CATSPERD: variants seen among roughly 807,000 people sequenced by gnomAD.
CATSPERD encodes the protein catsper channel auxiliary subunit delta, also known as cation channel sperm-associated auxiliary subunit delta.
Under a neutral mutation model 98.1 loss-of-function variants are expected in CATSPERD, and 86 were observed. The observed-to-expected ratio is 0.88, with a 90% CI of 0.74 to 1.05. The LOEUF (loss-of-function observed/expected upper bound fraction) is 1.05. Among genes scored for constraint, CATSPERD ranks in the 50% least tolerant of loss-of-function variants. The probability of loss-of-function intolerance (pLI) is 0.00; values close to 1 mark genes in which losing one functional copy is unlikely to be tolerated. For synonymous variants in CATSPERD, 394 were observed against 390.2 expected (o/e 1.01, Z -0.12); for missense variants, 995 against 1,005.7 (o/e 0.99, Z 0.14).
At chr19:5,762,058 A>ATATATATATATATATATTTT in intron 15 of CATSPERD, among the ~76,000 whole-genome samples, 4 of 10,438 alleles carry the variant, frequency 3.8e-4, no homozygotes, top group African/African-American at 6.6e-4. Context: ...ATATATATAT[A>ATATATATATATATATATTTT]TTTTTTTTTT....
chr19:5,778,021 C>T (rs546177905), intron 21 of CATSPERD, among the ~76,000 whole-genome samples: 53 of 151,834 alleles, frequency 3.5e-4, no homozygotes, highest in African/African-American at 1.2e-3. Context: ...CCAGCCTGGC[C>T]GAGGTGAAAC....
intron 13 of CATSPERD, among the ~76,000 whole-genome samples, chr19:5,754,638 T>A (rs1438054065): frequency 6.6e-6 from 1 of 151,964 alleles, no homozygotes; most frequent in Non-Finnish European, 1.5e-5. Context: ...TCTCAAGTGA[T>A]CTGCTCACCT....
At position 5,776,150 on chromosome 19, in the gene CATSPERD, G is replaced by C. The variant is rs565916688; in HGVS notation, c.1942-11G>C. ...CCCTAGGGCCAGTGGGCATGTCTCT[G>C]TCCCCCACAGAACTATGTGAGCTGC... On this transcript the variant is annotated splice_polypyrimidine_tract_variant and intron_variant, in intron 20 of 21. Coordinates refer to ENST00000381624, the MANE Select transcript of CATSPERD (RefSeq NM_152784.4). The C allele has an allele frequency of 3.1e-6, 5 of 1,613,656 alleles. No individual in the cohort carries two copies. The highest frequency in any genetic ancestry group is 1.1e-5 in the South Asian group (1 of 91,042).
At chr19:5,738,352 CAAAAAAAAAAA>C in intron 6 of CATSPERD, among the ~76,000 whole-genome samples, 1 of 104,938 alleles carries the variant, frequency 9.5e-6, no homozygotes, top group South Asian at 3.1e-4. Flanking sequence ...ACTCAAAATA[CAAAAAAAAAAA>C]AAAAAAAGAA....
chr19:5,742,324 G>A (rs1398652002), intron 7 of CATSPERD, among the ~76,000 whole-genome samples: 4 of 123,824 alleles, frequency 3.2e-5, no homozygotes, highest in Admixed American at 1.6e-4. Flanking sequence ...GTGGGTGTGC[G>A]TGTGCATGTG....
rs1309286442 is a variant in CATSPERD at position 5,733,906 on chromosome 19, G to A, written c.327G>A (p.Leu109=). Residue 109 remains leucine, a synonymous_variant, in exon 5 of 22, where the codon CTG becomes CTA. Coordinates refer to ENST00000381624, the MANE Select transcript of CATSPERD (RefSeq NM_152784.4). ...TSAHFAGSLL[L]LVVDQKVYIY... ...CACATTTTGCTGGTTCGTTATTGCTGTTAGTAGTGGATCAAAAAGTCTATA... is the reference window on the plus strand; with the variant it reads ...CACATTTTGCTGGTTCGTTATTGCTATTAGTAGTGGATCAAAAAGTCTATA... The A allele has an allele frequency of 1.2e-6, 2 of 1,613,030 alleles. No homozygotes were observed. Among genetic ancestry groups the A allele is most frequent in the Admixed American group, 3.4e-5 (2 of 59,670 alleles).
intron 2 of CATSPERD, 95 bp downstream of exon 2, chr19:5,724,957 C>A: frequency 8.9e-7 from 1 of 1,120,406 alleles, no homozygotes; most frequent in South Asian, 1.2e-5. Context: ...CCCGTGTTGT[C>A]AAGCATTTAA....
chr19:5,762,056 A>AT (rs1302276239), intron 15 of CATSPERD, among the ~76,000 whole-genome samples: 181 of 14,458 alleles, frequency 0.013, 9 homozygotes, highest in Non-Finnish European at 0.017. Flanking sequence ...ATATATATAT[A>AT]TATTTTTTTT....
intron 7 of CATSPERD, among the ~76,000 whole-genome samples, chr19:5,742,314 G>A (rs1224858395): frequency 5.7e-5 from 8 of 140,162 alleles, no homozygotes; most frequent in Non-Finnish European, 1.1e-4. Context: ...GAATGTGTGT[G>A]TGGGTGTGCG....
At chr19:5,742,147 CGT>C (rs886086008) in intron 7 of CATSPERD, among the ~76,000 whole-genome samples, 14 of 107,924 alleles carry the variant, frequency 1.3e-4, no homozygotes, top group Non-Finnish European at 2.1e-4. Context: ...CGCGTGTGTA[CGT>C]GTGTGAACGT....
In CATSPERD at chr19:5,778,461, C is replaced by T. The variant is rs778898544; in HGVS notation, c.2182C>T (p.Leu728=). 7 of 1,613,894 alleles carry T rather than the reference C, an allele frequency of 4.3e-6. No individual in the cohort carries two copies. The South Asian group carries it at 7.7e-5, about 18-fold the overall frequency. ...GGTCTCTGCTGGAGTCGTCATCCTA[C>T]TGATCATCTCCAGCATCCTGGGGTC... ...QLVSAGVVIL[L]IISSILGSVW... Residue 728 remains leucine (L), a synonymous_variant, in exon 22 of 22, where the codon CTG becomes TTG. Coordinates refer to ENST00000381624, the MANE Select transcript of CATSPERD (RefSeq NM_152784.4).
intron 3 of CATSPERD, 80 bp from the exon 4 acceptor site, chr19:5,729,792 C>A: frequency 3.6e-6 from 3 of 822,860 alleles, no homozygotes; most frequent in African/African-American, 1.7e-5. Flanking sequence ...TGAATGGAGA[C>A]ATTTTAGAGT....
chr19:5,744,449 G>A lies in CATSPERD; in HGVS notation c.596G>A (p.Gly199Asp), dbSNP rs2056056534. The A allele has an allele frequency of 6.2e-6, 10 of 1,612,174 alleles. No homozygotes were observed. Among genetic ancestry groups the A allele is most frequent in the Non-Finnish European group, 8.5e-6 (10 of 1,178,810 alleles). ...TAGGCAGAAATCATTGGGTCTTTAGGCGGAATCTTCCACTTTTTTTCTTTG... is the reference window on the plus strand; with the variant it reads ...TAGGCAGAAATCATTGGGTCTTTAGACGGAATCTTCCACTTTTTTTCTTTG... ...DRQAEIIGSL[G>D]GIFHFFSLSQ... The change falls in exon 8 of 22, where the codon GGC (glycine) becomes GAC (aspartate). Residue 199 changes from glycine to aspartate, a missense_variant. Transcript: ENST00000381624.
intron 15 of CATSPERD, among the ~76,000 whole-genome samples, chr19:5,761,081 G>A (rs1011141831): frequency 2.2e-4 from 34 of 151,660 alleles, no homozygotes; most frequent in African/African-American, 7.7e-4. Context: ...TTGTTGCCCA[G>A]GCTGGAGTGC....
intron 8 of CATSPERD, among the ~76,000 whole-genome samples, chr19:5,745,216 G>A (rs2056071340): frequency 6.6e-6 from 1 of 151,880 alleles, no homozygotes; most frequent in African/African-American, 2.4e-5. Flanking sequence ...CTCCCCCAGT[G>A]CTGAGATTAC....
intron 20 of CATSPERD, among the ~76,000 whole-genome samples, chr19:5,773,188 C>A (rs1238810070): frequency 6.6e-6 from 1 of 152,132 alleles, no homozygotes; most frequent in Non-Finnish European, 1.5e-5. Context: ...CCCGTCTCTA[C>A]TAAAAATACA....
At chr19:5,753,511 G>T in intron 12 of CATSPERD, 1 of 275,554 alleles carries the variant, frequency 3.6e-6, no homozygotes, top group African/African-American at 2.3e-5. Context: ...GCAGTGAGCC[G>T]AGATTACGCC....
At chr19:5,732,493 C>G (rs140893693) in intron 4 of CATSPERD, among the ~76,000 whole-genome samples, 1 of 150,822 alleles carries the variant, frequency 6.6e-6, no homozygotes, top group African/African-American at 2.4e-5. Flanking sequence ...AGTGCAGTGG[C>G]GTGATCTCAG....
chr19:5,774,996 G>A (rs2056715072), intron 20 of CATSPERD, among the ~76,000 whole-genome samples: 1 of 151,810 alleles, frequency 6.6e-6, no homozygotes, highest in South Asian at 2.1e-4. Context: ...CAGCCTGGGG[G>A]ACAGCAGAAG....
Sources: allele counts gnomAD v4.1 joint callset (sites outside exome capture counted in the v4.1 genomes callset), GRCh38; gene constraint gnomAD v4.1.1; transcripts MANE v1.5; gene names NCBI Gene and HGNC (gene_info 2026-07-23, HGNC 2026-07-21).